SYT1: variants seen among roughly 807,000 people sequenced by gnomAD.
The protein encoded by SYT1 is synaptotagmin 1.
Under a neutral mutation model 44.8 loss-of-function variants are expected in SYT1, and 8 were observed. The observed-to-expected ratio is 0.18, with a 90% confidence interval of 0.10 to 0.32. SYT1 has a LOEUF of 0.32. Ranked by LOEUF, SYT1 falls within the 10% of genes least tolerant of loss-of-function variation. The probability of loss-of-function intolerance (pLI) is 1.00; values close to 1 mark genes in which losing one functional copy is unlikely to be tolerated. For missense variants in SYT1, 286 were observed against 509.3 expected (o/e 0.56, Z 4.22); for synonymous variants, 154 against 188.8 (o/e 0.82, Z 1.51).
At chr12:79,029,274 T>C (rs868545401) in intron 2 of SYT1, among the ~76,000 whole-genome samples, 21 of 150,974 alleles carry the variant, frequency 1.4e-4, no homozygotes, top group Middle Eastern at 3.4e-3. Flanking sequence ...ACTCCATATA[T>C]CAGCATCAAC....
chr12:79,256,163 C>T (rs1457238464), intron 4 of SYT1, among the ~76,000 whole-genome samples: 2 of 152,172 alleles, frequency 1.3e-5, no homozygotes, highest in Non-Finnish European at 2.9e-5. Context: ...CAGATGACTG[C>T]CATGACTATC....
At chr12:79,367,094 G>A (rs1436896030) in intron 9 of SYT1, among the ~76,000 whole-genome samples, 4 of 152,100 alleles carry the variant, frequency 2.6e-5, no homozygotes, top group Non-Finnish European at 5.9e-5. Context: ...AATCAGACCA[G>A]TAGTATATTT....
intron 3 of SYT1, among the ~76,000 whole-genome samples, chr12:79,079,012 C>T (rs17046341): frequency 6.6e-5 from 10 of 152,068 alleles, no homozygotes; most frequent in Non-Finnish European, 1.5e-4. Context: ...ATGAGATCCA[C>T]CTAAAAATTC....
intron 1 of SYT1, among the ~76,000 whole-genome samples, chr12:78,975,169 T>C (rs1868731631): frequency 6.7e-6 from 1 of 149,748 alleles, no homozygotes; most frequent in African/African-American, 2.5e-5. Flanking sequence ...GTGTGATTTC[T>C]GCATGGAAGC....
chr12:78,948,161 ACT>A (rs1878770668), intron 1 of SYT1, among the ~76,000 whole-genome samples: 2 of 151,726 alleles, frequency 1.3e-5, no homozygotes, highest in Non-Finnish European at 3.0e-5. Context: ...TATTACTATA[ACT>A]CAGTATATTA....
intron 9 of SYT1, among the ~76,000 whole-genome samples, chr12:79,430,480 C>A (rs1869711344): frequency 6.6e-6 from 1 of 152,184 alleles, no homozygotes; most frequent in Non-Finnish European, 1.5e-5. Context: ...CATTCTCTTG[C>A]AGCCCCTAAG....
At chr12:79,179,367 G>GATATAGAT (rs1872273037) in intron 3 of SYT1, among the ~76,000 whole-genome samples, 1 of 2,178 alleles carries the variant, frequency 4.6e-4, no homozygotes. Flanking sequence ...TATAGATATA[G>GATATAGAT]ATATAGATAT....
intron 3 of SYT1, among the ~76,000 whole-genome samples, chr12:79,092,177 T>G (rs2138007068): frequency 6.6e-6 from 1 of 152,044 alleles, no homozygotes; most frequent in East Asian, 1.9e-4. Flanking sequence ...ATGTTAATTA[T>G]TTATCCAAGA....
At chr12:79,356,435 A>G (rs1883115528) in intron 9 of SYT1, among the ~76,000 whole-genome samples, 1 of 152,126 alleles carries the variant, frequency 6.6e-6, no homozygotes, top group Non-Finnish European at 1.5e-5. Flanking sequence ...CTGAATGAAT[A>G]ATGAATTATT....
chr12:79,402,951 C>A (rs897461992), intron 9 of SYT1, among the ~76,000 whole-genome samples: 1 of 152,162 alleles, frequency 6.6e-6, no homozygotes, highest in Non-Finnish European at 1.5e-5. Context: ...CACGAACAAA[C>A]CTATTGCAAA....
chr12:78,939,844 AT>A (rs1429590087), intron 1 of SYT1, among the ~76,000 whole-genome samples: 1 of 152,186 alleles, frequency 6.6e-6, no homozygotes, highest in Non-Finnish European at 1.5e-5. Flanking sequence ...TTCACACTAC[AT>A]TTATAGAGAA....
At chr12:79,346,055 A>G (rs535646629) in intron 8 of SYT1, among the ~76,000 whole-genome samples, 3 of 152,260 alleles carry the variant, frequency 2.0e-5, no homozygotes, top group Non-Finnish European at 4.4e-5. Flanking sequence ...CTTTTGAAAA[A>G]CTCACTCAAG....
At chr12:79,293,936 T>C (rs1021210367) in intron 6 of SYT1, among the ~76,000 whole-genome samples, 1 of 152,154 alleles carries the variant, frequency 6.6e-6, no homozygotes, top group Admixed American at 6.5e-5. Flanking sequence ...AATTTGAGCA[T>C]CAGGATTTGG....
intron 3 of SYT1, among the ~76,000 whole-genome samples, chr12:79,066,256 C>T (rs1383623200): frequency 6.6e-6 from 1 of 152,132 alleles, no homozygotes; most frequent in Non-Finnish European, 1.5e-5. Flanking sequence ...GTAAACACCA[C>T]ATAGGATAGT....
At chr12:79,231,508 ATAG>A (rs1292910458) in intron 4 of SYT1, among the ~76,000 whole-genome samples, 1 of 152,094 alleles carries the variant, frequency 6.6e-6, no homozygotes, top group Non-Finnish European at 1.5e-5. Context: ...AAAAAAGATA[ATAG>A]TAGACAACGA....
chr12:79,394,677 CTG>C (rs1884801612), intron 9 of SYT1, among the ~76,000 whole-genome samples: 1 of 152,116 alleles, frequency 6.6e-6, no homozygotes, highest in Admixed American at 6.5e-5. Flanking sequence ...TTAAAGAAAA[CTG>C]TTTCAGCTCA....
chr12:79,055,216 A>G (rs1320856998), intron 3 of SYT1, among the ~76,000 whole-genome samples: 2 of 152,006 alleles, frequency 1.3e-5, no homozygotes, highest in African/African-American at 2.4e-5. Flanking sequence ...CAAGTTAGCT[A>G]TTATAATTAG....
chr12:78,904,259 A>C (rs1211292293), intron 1 of SYT1, among the ~76,000 whole-genome samples: 4 of 152,176 alleles, frequency 2.6e-5, no homozygotes, highest in Non-Finnish European at 5.9e-5. Context: ...CATGATCTGC[A>C]TATGACTTAG....
intron 2 of SYT1, among the ~76,000 whole-genome samples, chr12:79,038,198 C>T (rs1873270870): frequency 6.7e-6 from 1 of 150,368 alleles, no homozygotes; most frequent in African/African-American, 2.4e-5. Flanking sequence ...CATATATATA[C>T]ACATATATAT....
Sources: gnomAD v4.1 joint callset for allele counts (sites outside exome capture counted in the v4.1 genomes callset) on GRCh38, gnomAD v4.1.1 for gene constraint, MANE v1.5 for transcripts, NCBI Gene and HGNC (gene_info 2026-07-23, HGNC 2026-07-21) for gene names.